PPP1R12B: variants seen among roughly 807,000 people sequenced by gnomAD.
PPP1R12B encodes protein phosphatase 1 regulatory subunit 12B, also known as myosin phosphatase target subunit 2.
In PPP1R12B, 76 loss-of-function variants were observed where a neutral mutation model predicts 126.1. That is an observed-to-expected ratio of 0.60 (90% CI 0.50 to 0.73). The LOEUF is 0.73. Ranked by LOEUF, PPP1R12B falls within the 30% of genes least tolerant of loss-of-function variation. The probability of loss-of-function intolerance (pLI) is 0.00; values close to 1 mark genes in which losing one functional copy is unlikely to be tolerated. For missense variants in PPP1R12B, 1,052 were observed against 1,205.1 expected, an observed-to-expected ratio of 0.87 and a Z score of 1.88; for synonymous variants, 356 against 434.7, an observed-to-expected ratio of 0.82 and a Z score of 2.25.
chr1:202,399,868 A>G (rs1405530554), intron 1 of PPP1R12B, among the ~76,000 whole-genome samples: 5 of 151,590 alleles, frequency 3.3e-5, no homozygotes, highest in Non-Finnish European at 7.4e-5. Flanking sequence ...CAACTTTTAG[A>G]TTCAGGGGGT....
intron 18 of PPP1R12B, among the ~76,000 whole-genome samples, chr1:202,542,171 GC>G (rs1165686163): frequency 1.3e-5 from 2 of 152,282 alleles, no homozygotes; most frequent in Admixed American, 1.3e-4. Context: ...GATCTCCCTA[GC>G]CTAGTTCATT....
At chr1:202,482,026 C>G (rs1677453246) in intron 13 of PPP1R12B, among the ~76,000 whole-genome samples, 2 of 151,880 alleles carry the variant, frequency 1.3e-5, no homozygotes, top group African/African-American at 4.8e-5. Context: ...TTCACTTAAC[C>G]TGATATCCTC....
chr1:202,468,303 C>T (rs1464274709), intron 13 of PPP1R12B, among the ~76,000 whole-genome samples: 2 of 152,250 alleles, frequency 1.3e-5, no homozygotes, highest in East Asian at 3.9e-4. Flanking sequence ...CTTGCCCATG[C>T]CTATGTCCTG....
intron 13 of PPP1R12B, among the ~76,000 whole-genome samples, chr1:202,453,572 A>G (rs886588704): frequency 2.0e-5 from 3 of 152,170 alleles, no homozygotes; most frequent in African/African-American, 7.2e-5. Flanking sequence ...ATCAGGTCCC[A>G]CGTGAGTATG....
intron 12 of PPP1R12B, among the ~76,000 whole-genome samples, chr1:202,445,503 G>T (rs546893516): frequency 5.9e-4 from 90 of 152,170 alleles, no homozygotes; most frequent in African/African-American, 2.0e-3. Context: ...AACCAGTTGT[G>T]ATTACAATTT....
chr1:202,360,354 A>T (rs1193402161), intron 1 of PPP1R12B, among the ~76,000 whole-genome samples: 1 of 152,214 alleles, frequency 6.6e-6, no homozygotes, highest in East Asian at 1.9e-4. Context: ...TCTAATTATC[A>T]TCACATCACA....
At chr1:202,457,875 C>T (rs1673836886) in intron 13 of PPP1R12B, among the ~76,000 whole-genome samples, 1 of 151,590 alleles carries the variant, frequency 6.6e-6, no homozygotes. Flanking sequence ...ATGCCTGAAG[C>T]TGGGAGAAGG....
intron 1 of PPP1R12B, among the ~76,000 whole-genome samples, chr1:202,374,493 CTTTTTTTTTTT>C (rs1160730172): frequency 2.2e-5 from 2 of 89,506 alleles, no homozygotes; most frequent in Non-Finnish European, 2.0e-5. Flanking sequence ...TTGTCTCTCT[CTTTTTTTTTTT>C]TTTTTTTTTT....
intron 1 of PPP1R12B, among the ~76,000 whole-genome samples, chr1:202,360,845 G>A (rs534381616): frequency 8.8e-4 from 134 of 151,936 alleles, no homozygotes; most frequent in Non-Finnish European, 1.6e-3. Flanking sequence ...GTGATTGGCA[G>A]TGGAGTAAAC....
intron 20 of PPP1R12B, among the ~76,000 whole-genome samples, chr1:202,563,475 G>A (rs971750780): frequency 3.3e-5 from 5 of 152,002 alleles, no homozygotes; most frequent in African/African-American, 1.2e-4. Flanking sequence ...GAAGTGTAGG[G>A]AAAAGTAAGA....
intron 18 of PPP1R12B, among the ~76,000 whole-genome samples, chr1:202,524,514 C>G (rs537859334): frequency 6.6e-6 from 1 of 152,126 alleles, no homozygotes; most frequent in East Asian, 1.9e-4. Flanking sequence ...TATTCCTTAC[C>G]CCCCTCTCAC....
chr1:202,553,358 G>C (rs1686517459), intron 18 of PPP1R12B, among the ~76,000 whole-genome samples: 1 of 152,138 alleles, frequency 6.6e-6, no homozygotes, highest in Non-Finnish European at 1.5e-5. Flanking sequence ...ACACACTAGA[G>C]AGTCTCATTT....
intron 10 of PPP1R12B, chr1:202,439,053 C>T: frequency 7.2e-7 from 1 of 1,392,440 alleles, no homozygotes; most frequent in Non-Finnish European, 1.0e-6. Context: ...ATCCTGGCCG[C>T]CAACTCCTAT....
At chr1:202,502,537 C>G in intron 18 of PPP1R12B, 1 of 886,080 alleles carries the variant, frequency 1.1e-6, no homozygotes, top group Non-Finnish European at 1.4e-6. Context: ...TGATCAAGCA[C>G]TTTTCTAGAT....
chr1:202,382,247 G>T (rs1282070123), intron 1 of PPP1R12B, among the ~76,000 whole-genome samples: 1 of 147,108 alleles, frequency 6.8e-6, no homozygotes, highest in African/African-American at 2.5e-5. Context: ...CACTGGAAGG[G>T]GGACATCACA....
intron 1 of PPP1R12B, among the ~76,000 whole-genome samples, chr1:202,350,892 A>G (rs1232601478): frequency 6.6e-6 from 1 of 152,092 alleles, no homozygotes; most frequent in Non-Finnish European, 1.5e-5. Context: ...AACTGCTGGG[A>G]TTATAGGCAT....
At position 202,495,317 on chromosome 1, in the gene PPP1R12B, C is replaced by T; in HGVS notation, c.2170C>T (p.Pro724Ser). 6.3e-7 allele frequency: 1 copy of T among 1,575,604 alleles called. No individual in the cohort carries two copies. Among genetic ancestry groups the T allele is most frequent in the Non-Finnish European group, 8.6e-7 (1 of 1,163,814 alleles). The change falls in exon 16 of 24, where the codon CCA (proline) becomes TCA (serine). Residue 724 changes from proline (P) to serine (S), a missense_variant. By Grantham distance (74) the Pro-to-Ser change is moderately conservative. Transcript: ENST00000608999. ...GCCTATCTGTCATCGCCTGAGGTGC[C>T]CAGCTCAGCCAGACAAACCCACCAC... ...EEPICHRLRC[P>S]AQPDKPTTPA...
chr1:202,438,687 C>A, intron 10 of PPP1R12B: 1 of 606,186 alleles, frequency 1.6e-6, no homozygotes. Context: ...CCGCCGGGTT[C>A]AAGCCGCCCA....
intron 4 of PPP1R12B, 46 bp downstream of exon 4, chr1:202,425,771 T>C (rs369681271): frequency 5.2e-6 from 8 of 1,545,438 alleles, no homozygotes; most frequent in Non-Finnish European, 7.0e-6. Context: ...TGGGAGAAGA[T>C]GGAATAGGTT....
Sources: allele counts gnomAD v4.1 joint callset (sites outside exome capture counted in the v4.1 genomes callset), GRCh38; gene constraint gnomAD v4.1.1; transcripts MANE v1.5; gene names NCBI Gene and HGNC (gene_info 2026-07-23, HGNC 2026-07-21).